The following HERC2 variants were observed in gnomAD, a reference collection of about 807,000 sequenced individuals.
HERC2 encodes HECT and RLD domain containing E3 ubiquitin protein ligase 2, also known as E3 ubiquitin-protein ligase HERC2.
A neutral mutation model predicts 537.7 loss-of-function variants in HERC2; 102 were observed. The observed-to-expected ratio is 0.19, with a 90% CI of 0.16 to 0.22. HERC2 has a LOEUF of 0.22. HERC2 is among the 10% of genes least tolerant of loss of function. HERC2 has a pLI of 1.00. For missense variants in HERC2, 4,236 were observed against 6,198.2 expected, an observed-to-expected ratio of 0.68 and a Z score of 10.63; for synonymous variants, 2,224 against 2,466.2, an observed-to-expected ratio of 0.90 and a Z score of 2.91.
At position 28,256,177 on chromosome 15, in the gene HERC2, G is replaced by A; in HGVS notation, c.2658C>T (p.Ala886=). Residue 886 remains alanine (A), a synonymous_variant, in exon 18 of 93, where the codon GCC becomes GCT. Transcript: ENST00000261609. ...AGVLSTVQSA[A]QAVLQSGWSV... ...ACCAGCCACTCTGCAGCACGGCCTGGGCGGCCGACTGCACGGTGCTCAGCA... is the reference window on the plus strand; with the variant it reads ...ACCAGCCACTCTGCAGCACGGCCTGAGCGGCCGACTGCACGGTGCTCAGCA... 6.2e-7 allele frequency: 1 copy of A among 1,601,618 alleles called. No homozygotes were observed. The highest frequency in any genetic ancestry group is 8.5e-7 in the Non-Finnish European group (1 of 1,179,800).
intron 69 of HERC2, among the ~76,000 whole-genome samples, chr15:28,155,452 G>A (rs527515209): frequency 3.8e-4 from 58 of 152,194 alleles, no homozygotes; most frequent in Middle Eastern, 3.4e-3. Flanking sequence ...TTTAACGATC[G>A]CCATTCTAAC....
In HERC2 at chr15:28,131,587, G is replaced by C. The variant is rs531522738; in HGVS notation, c.12570+513C>G. Reference sequence around the variant, plus strand: ...GAAATCGCCTGCAGCCACCGGGCTTGAGTGGAGCAGAGCCGCCGACCCCAC... The same window carrying C: ...GAAATCGCCTGCAGCCACCGGGCTTCAGTGGAGCAGAGCCGCCGACCCCAC... On this transcript the variant is annotated intron_variant, in intron 81 of 92. Transcript: ENST00000261609. Among the ~76,000 whole-genome samples, 13 of 152,352 alleles carry C rather than the reference G, an allele frequency of 8.5e-5. 1 individual carries two copies. In the Middle Eastern group the frequency reaches 0.014, roughly 159 times the overall value.
intron 56 of HERC2, among the ~76,000 whole-genome samples, chr15:28,185,288 C>T (rs565399567): frequency 6.6e-6 from 1 of 152,046 alleles, no homozygotes; most frequent in Admixed American, 6.5e-5. Context: ...TCATGTCACA[C>T]GCTGCAGAGT....
chr15:28,274,007 G>GTAA (rs1318115262), intron 7 of HERC2, among the ~76,000 whole-genome samples: 1 of 152,164 alleles, frequency 6.6e-6, no homozygotes, highest in African/African-American at 2.4e-5. Flanking sequence ...GACACACAGT[G>GTAA]TAAGCACTCA....
chr15:28,167,877 A>G (rs1281208582), intron 67 of HERC2, 50 bp from the exon 68 acceptor site: 25 of 1,555,966 alleles, frequency 1.6e-5, no homozygotes, highest in African/African-American at 2.8e-5. Flanking sequence ...AAACTCAGCA[A>G]CATAACACAT....
In HERC2 at chr15:28,228,469, C is replaced by A. The variant is rs964214747; in HGVS notation, c.5273-60G>T. On this transcript the variant is annotated intron_variant, in intron 34 of 92. Transcript: ENST00000261609. ...GATGGATACAAGAATAAACGTAACG[C>A]AGAAAGCACGGGCGATTACTCTAAA... 8.0e-6 allele frequency: 12 copies of A among 1,499,566 alleles called. No homozygotes were observed. The African/African-American group carries it at 1.7e-4, about 21-fold the overall frequency. 92.9% of individuals were successfully genotyped at this position (1,499,566 alleles called of 1,614,324 possible). A position where few individuals can be genotyped will look rare whatever the true frequency, so the allele number is the denominator to read the frequency against.
At chr15:28,235,358 G>A (rs1234158977) in intron 26 of HERC2, among the ~76,000 whole-genome samples, 3 of 151,980 alleles carry the variant, frequency 2.0e-5, no homozygotes, top group Non-Finnish European at 4.4e-5. Flanking sequence ...CCTGGAACTC[G>A]CCAGCCCTGC....
At chr15:28,301,144 G>A (rs2076612678) in intron 2 of HERC2, among the ~76,000 whole-genome samples, 1 of 151,892 alleles carries the variant, frequency 6.6e-6, no homozygotes, top group Non-Finnish European at 1.5e-5. Context: ...GCCAGGTGCG[G>A]TGGCTCACGC....
intron 20 of HERC2, among the ~76,000 whole-genome samples, chr15:28,251,998 A>G (rs939810959): frequency 5.3e-5 from 8 of 152,188 alleles, no homozygotes; most frequent in African/African-American, 1.9e-4. Flanking sequence ...TGCATTGAAA[A>G]TATCTGATCT....
chr15:28,167,601 G>A, intron 68 of HERC2, 86 bp downstream of exon 68: 1 of 1,487,700 alleles, frequency 6.7e-7, no homozygotes, highest in South Asian at 1.1e-5. Flanking sequence ...GGAATAGACT[G>A]TGTTCCACTC....
intron 79 of HERC2, 60 bp from the exon 80 acceptor site, chr15:28,132,890 G>A: frequency 4.7e-6 from 6 of 1,287,652 alleles, no homozygotes; most frequent in East Asian, 2.8e-5. Context: ...ATTTTTCAGT[G>A]TATTAAATAC....
intron 44 of HERC2, among the ~76,000 whole-genome samples, chr15:28,209,088 G>T (rs1450671924): frequency 6.6e-6 from 1 of 152,058 alleles, no homozygotes; most frequent in African/African-American, 2.4e-5. Flanking sequence ...AGATTACTGG[G>T]TCACTATTTC....
chr15:28,321,813 G>A, intron 1 of HERC2, among the ~76,000 whole-genome samples: 1 of 142,912 alleles, frequency 7.0e-6, no homozygotes, highest in Non-Finnish European at 1.5e-5. Flanking sequence ...AACGACAAAT[G>A]ACAGCAGCAT....
intron 57 of HERC2, 32 bp from the exon 58 acceptor site, chr15:28,179,255 G>C: frequency 3.4e-6 from 5 of 1,455,738 alleles, no homozygotes; most frequent in Non-Finnish European, 4.7e-6. Context: ...AAAAAAAAAA[G>C]AAAAGAAAAT....
chr15:28,293,500 A>C (rs1259132820), intron 3 of HERC2, among the ~76,000 whole-genome samples: 11 of 151,756 alleles, frequency 7.2e-5, no homozygotes, highest in Non-Finnish European at 2.9e-5. Flanking sequence ...CTCAAAAAAA[A>C]AAAAAAAAAA....
Position 28,175,669 on chromosome 15 carries a change from C to A in HERC2, c.9687-13G>T, listed in dbSNP as rs1895208955. 6.2e-7 allele frequency: 1 copy of A among 1,613,982 alleles called. No individual in the cohort carries two copies. The highest frequency in any genetic ancestry group is 1.7e-5 in the Admixed American group (1 of 60,016). On this transcript the variant is annotated splice_polypyrimidine_tract_variant and intron_variant, in intron 63 of 92. Transcript: ENST00000261609. ...ATCCCCCTTTCCCCTGAGAGAAGGC[C>A]CATGGTGGAGAGTTACAATACGGTT...
intron 5 of HERC2, among the ~76,000 whole-genome samples, chr15:28,275,980 A>C (rs1270614837): frequency 6.6e-6 from 1 of 151,948 alleles, no homozygotes; most frequent in African/African-American, 2.4e-5. Context: ...GGTGATACAG[A>C]GTTCAAGACC....
At position 28,272,238 on chromosome 15, in the gene HERC2, G is replaced by A; in HGVS notation, c.1060C>T (p.Pro354Ser). 3.7e-6 allele frequency: 6 copies of A among 1,609,228 alleles called. No homozygotes were observed. Among genetic ancestry groups the A allele is most frequent in the Non-Finnish European group, 5.1e-6 (6 of 1,178,280 alleles). ...FQSIICRKDA[P>S]HSEGDMHLLS... ...ACGTGCATGTCGCCCTCGGAGTGGGGTGCATCCTTCCTGCAAATGATGCTC... is the reference window on the plus strand; with the variant it reads ...ACGTGCATGTCGCCCTCGGAGTGGGATGCATCCTTCCTGCAAATGATGCTC... The change falls in exon 9 of 93, where the codon CCC becomes TCC. Residue 354 changes from proline to serine, a missense_variant. Coordinates refer to ENST00000261609, the MANE Select transcript of HERC2 (RefSeq NM_004667.6).
chr15:28,209,798 T>A (rs995422584), intron 44 of HERC2, among the ~76,000 whole-genome samples: 11 of 152,250 alleles, frequency 7.2e-5, no homozygotes, highest in Admixed American at 7.2e-4. Flanking sequence ...GAAGACTATA[T>A]AAGTACCATC....
Sources: gnomAD v4.1 joint callset for allele counts (sites outside exome capture counted in the v4.1 genomes callset) on GRCh38, gnomAD v4.1.1 for gene constraint, MANE v1.5 for transcripts, NCBI Gene and HGNC (gene_info 2026-07-23, HGNC 2026-07-21) for gene names.